EHBP1: variants seen among roughly 807,000 people sequenced by gnomAD.
EHBP1 encodes EH domain binding protein 1.
EHBP1 carries 55 observed loss-of-function variants against 144.0 expected under a neutral mutation model. The ratio of observed to expected loss-of-function variants is 0.38; its 90% CI spans 0.31 to 0.48. The LOEUF (loss-of-function observed/expected upper bound fraction) is 0.48, where lower values mean the gene tolerates loss of function less well. EHBP1 is among the 20% of genes least tolerant of loss of function. The pLI is 0.98. For missense variants in EHBP1, 1,200 were observed against 1,364.2 expected, an observed-to-expected ratio of 0.88 and a Z score of 1.90; for synonymous variants, 469 against 472.7, an observed-to-expected ratio of 0.99 and a Z score of 0.10.
intron 10 of EHBP1, 112 bp downstream of exon 10, chr2:62,874,644 A>G: frequency 1.1e-6 from 1 of 908,456 alleles, no homozygotes; most frequent in Non-Finnish European, 1.7e-6. Context: ...ATTTAAAAAT[A>G]ATATCCAAGA....
intron 5 of EHBP1, among the ~76,000 whole-genome samples, chr2:62,817,144 G>A (rs2045508895): frequency 6.6e-6 from 1 of 152,148 alleles, no homozygotes; most frequent in African/African-American, 2.4e-5. Flanking sequence ...ATATGCTATG[G>A]CTCTAGGGCT....
At chr2:62,875,008 G>C (rs2050769773) in intron 10 of EHBP1, among the ~76,000 whole-genome samples, 1 of 151,696 alleles carries the variant, frequency 6.6e-6, no homozygotes, top group African/African-American at 2.4e-5. Flanking sequence ...GCACACATGT[G>C]TGCACCCTGC....
intron 15 of EHBP1, among the ~76,000 whole-genome samples, chr2:62,989,901 T>C (rs1285664754): frequency 6.6e-6 from 1 of 152,154 alleles, no homozygotes; most frequent in East Asian, 1.9e-4. Flanking sequence ...AGCCTTGCAA[T>C]ATAAACTGAC....
chr2:62,684,572 C>G (rs1330584274), intron 1 of EHBP1, among the ~76,000 whole-genome samples: 1 of 152,248 alleles, frequency 6.6e-6, no homozygotes, highest in Non-Finnish European at 1.5e-5. Flanking sequence ...GAAGCGGGCA[C>G]TGGCGTGTGT....
intron 10 of EHBP1, chr2:62,940,166 TC>T: frequency 2.6e-6 from 1 of 377,600 alleles, no homozygotes; most frequent in Non-Finnish European, 5.2e-6. Flanking sequence ...ATGGAATCAC[TC>T]CCAGAAGAGC....
At chr2:63,022,732 T>C (rs1193599482) in intron 19 of EHBP1, among the ~76,000 whole-genome samples, 7 of 152,244 alleles carry the variant, frequency 4.6e-5, no homozygotes, top group African/African-American at 7.2e-5. Context: ...ACTGAACTTA[T>C]ATAGTCATTG....
intron 5 of EHBP1, among the ~76,000 whole-genome samples, chr2:62,811,252 T>G (rs2044981164): frequency 6.6e-6 from 1 of 152,202 alleles, no homozygotes; most frequent in East Asian, 1.9e-4. Flanking sequence ...TAAGTCTTTT[T>G]GGTTGAGAGA....
chr2:62,681,336 G>GTGTGTATATATATATAA lies in EHBP1; in HGVS notation c.-296+7269_-296+7270insATGTGTATATATATATA, dbSNP rs1271445976. On this transcript the variant is annotated intron_variant, in intron 1 of 22. Transcript: ENST00000405015. ...TATATATATATTTGTATGTATGTGT[G>GTGTGTATATATATATAA]TGTGTATATATATATATATATATAA... is the stretch of plus-strand genomic sequence containing the variant. Among the ~76,000 whole-genome samples the GTGTGTATATATATATAA allele has an allele frequency of 2.1e-4, 4 of 18,876 alleles. No homozygotes were observed. In the East Asian group the frequency reaches 0.011, roughly 52 times the overall value. 12.4% of individuals were successfully genotyped at this position (18,876 alleles called of 152,430 possible). A position where few individuals can be genotyped will look rare whatever the true frequency, so the allele number is the denominator to read the frequency against.
chr2:62,893,965 A>T (rs1452885978), intron 10 of EHBP1, among the ~76,000 whole-genome samples: 2 of 152,094 alleles, frequency 1.3e-5, no homozygotes, highest in African/African-American at 4.8e-5. Context: ...GAATCACTTG[A>T]ACATGGGAGG....
intron 7 of EHBP1, among the ~76,000 whole-genome samples, chr2:62,835,509 C>A (rs558177436): frequency 1.3e-5 from 2 of 152,294 alleles, no homozygotes; most frequent in South Asian, 4.1e-4. Context: ...CGAATAGGAA[C>A]AGCTCCGGTC....
chr2:62,872,579 C>T (rs2050577015), intron 9 of EHBP1, among the ~76,000 whole-genome samples: 1 of 152,014 alleles, frequency 6.6e-6, no homozygotes, highest in South Asian at 2.1e-4. Flanking sequence ...TTTTTTATAG[C>T]ACTTAAAAAA....
In EHBP1 at chr2:62,686,942, T is replaced by A. The variant is rs1319118409; in HGVS notation, c.-296+12859T>A. Among the ~76,000 whole-genome samples, 4 of 152,188 alleles carry A rather than the reference T, an allele frequency of 2.6e-5. No homozygotes were observed. In the East Asian group the frequency reaches 7.7e-4, roughly 29 times the overall value. ...TTACATAAGTTACATCATTTACTCC[T>A]CATAACAACTCTAAAGACAAGCCCT... On this transcript the variant is annotated intron_variant, in intron 1 of 22. Transcript: ENST00000405015.
chr2:62,799,121 A>G (rs942197954), intron 5 of EHBP1, among the ~76,000 whole-genome samples: 2 of 152,142 alleles, frequency 1.3e-5, no homozygotes, highest in Admixed American at 1.3e-4. Context: ...CTCTAAAGGA[A>G]AGATGTATGG....
chr2:62,852,697 A>G (rs1358408118), intron 7 of EHBP1, among the ~76,000 whole-genome samples: 1 of 152,248 alleles, frequency 6.6e-6, no homozygotes, highest in East Asian at 1.9e-4. Context: ...CTAGTAAAGA[A>G]TGAAAAAAAA....
intron 3 of EHBP1, among the ~76,000 whole-genome samples, chr2:62,752,162 C>T (rs1311197394): frequency 1.3e-5 from 2 of 152,134 alleles, no homozygotes; most frequent in African/African-American, 2.4e-5. Flanking sequence ...GAATGTGTCC[C>T]AGAGATTCTG....
At chr2:62,690,388 C>A (rs956018888) in intron 1 of EHBP1, among the ~76,000 whole-genome samples, 1 of 151,876 alleles carries the variant, frequency 6.6e-6, no homozygotes, top group Non-Finnish European at 1.5e-5. Flanking sequence ...ATGGTGAAAC[C>A]CTGTCTCTAC....
chr2:63,016,414 T>G (rs1429618348), intron 19 of EHBP1, among the ~76,000 whole-genome samples: 6 of 144,170 alleles, frequency 4.2e-5, no homozygotes, highest in African/African-American at 1.3e-4. Flanking sequence ...TTTTGGGGGG[T>G]TTTTTGTTTG....
intron 13 of EHBP1, among the ~76,000 whole-genome samples, chr2:62,951,353 G>A (rs1442782865): frequency 6.6e-6 from 1 of 152,058 alleles, no homozygotes; most frequent in Non-Finnish European, 1.5e-5. Flanking sequence ...GCAAGCCCCT[G>A]TTCTCCTAAT....
chr2:62,798,409 CT>C (rs1558688014), intron 5 of EHBP1, among the ~76,000 whole-genome samples: 1 of 151,854 alleles, frequency 6.6e-6, no homozygotes, highest in Non-Finnish European at 1.5e-5. Flanking sequence ...TCTCAATTCT[CT>C]TTTCCTGTAG....
Sources: allele counts gnomAD v4.1 joint callset (sites outside exome capture counted in the v4.1 genomes callset), GRCh38; gene constraint gnomAD v4.1.1; transcripts MANE v1.5; gene names NCBI Gene and HGNC (gene_info 2026-07-23, HGNC 2026-07-21).